AGO2: variants seen among roughly 807,000 people sequenced by gnomAD.
AGO2 encodes protein argonaute-2.
AGO2 carries 5 observed loss-of-function variants against 102.3 expected under a neutral mutation model. That is an observed-to-expected ratio of 0.05 (90% CI 0.03 to 0.10). AGO2 has a LOEUF of 0.10. Among genes scored for constraint, AGO2 ranks in the 10% least tolerant of loss-of-function variants. The pLI is 1.00. For missense variants in AGO2, 541 were observed against 1,183.7 expected, an observed-to-expected ratio of 0.46 and a Z score of 7.97; for synonymous variants, 449 against 473.1, an observed-to-expected ratio of 0.95 and a Z score of 0.66.
At chr8:140,623,360 T>C (rs2074237107) in intron 1 of AGO2, among the ~76,000 whole-genome samples, 1 of 152,122 alleles carries the variant, frequency 6.6e-6, no homozygotes, top group African/African-American at 2.4e-5. Flanking sequence ...TAGACAGCGA[T>C]GATGGCTGCA....
At chr8:140,614,015 CAAAAAAAAAAAAAA>C (rs59000809) in intron 1 of AGO2, among the ~76,000 whole-genome samples, 1 of 57,650 alleles carries the variant, frequency 1.7e-5, no homozygotes, top group Admixed American at 2.6e-4. Flanking sequence ...GACCCTGTCT[CAAAAAAAAAAAAAA>C]AAAAAAAAAA....
chr8:140,592,205 C>T (rs1384724534), intron 1 of AGO2: 1 of 152,218 alleles, frequency 6.6e-6, no homozygotes, highest in Non-Finnish European at 1.5e-5. Context: ...CAGAAACATT[C>T]CCCAATCGGG....
chr8:140,593,550 T>TAAA (rs201599088), intron 1 of AGO2, among the ~76,000 whole-genome samples: 1 of 135,444 alleles, frequency 7.4e-6, no homozygotes. Context: ...CTAGGAAAGT[T>TAAA]AAAAAAAAAA....
chr8:140,586,472 C>A (rs573933238), intron 1 of AGO2, among the ~76,000 whole-genome samples: 43 of 152,152 alleles, frequency 2.8e-4, no homozygotes, highest in Admixed American at 1.2e-3. Context: ...GGTGACAGAG[C>A]GAGACTCCAT....
intron 6 of AGO2, 31 bp from the exon 7 acceptor site, chr8:140,558,603 G>C (rs187007975): frequency 1.2e-6 from 2 of 1,609,012 alleles, no homozygotes. Flanking sequence ...CATCGGCATC[G>C]GGGCTGTCCC....
chr8:140,560,251 C>T (rs2132940614), intron 5 of AGO2, 123 bp downstream of exon 5: 6 of 1,401,980 alleles, frequency 4.3e-6, no homozygotes, highest in Middle Eastern at 2.0e-4. Flanking sequence ...TGTCACGCAG[C>T]GGCGCTGGCT....
At chr8:140,563,931 C>T (rs779860316) in intron 3 of AGO2, among the ~76,000 whole-genome samples, 4 of 152,246 alleles carry the variant, frequency 2.6e-5, no homozygotes, top group Non-Finnish European at 5.9e-5. Flanking sequence ...GGAGCTACGA[C>T]CAGACTCTGC....
chr8:140,634,647 GA>G (rs895523717), intron 1 of AGO2, among the ~76,000 whole-genome samples: 8 of 152,342 alleles, frequency 5.3e-5, no homozygotes, highest in African/African-American at 1.7e-4. Context: ...CTTTTCCAGA[GA>G]AAGGCCGACT....
At chr8:140,550,795 C>T (rs1278089308) in intron 11 of AGO2, among the ~76,000 whole-genome samples, 3 of 151,908 alleles carry the variant, frequency 2.0e-5, no homozygotes, top group African/African-American at 7.3e-5. Context: ...TTCTATTTTT[C>T]GTAGAGATGG....
At chr8:140,582,991 G>A (rs1239300424) in intron 2 of AGO2, among the ~76,000 whole-genome samples, 1 of 152,208 alleles carries the variant, frequency 6.6e-6, no homozygotes, top group Non-Finnish European at 1.5e-5. Flanking sequence ...GCTTCCAGAG[G>A]AGACTGCGTG....
intron 1 of AGO2, among the ~76,000 whole-genome samples, chr8:140,619,470 GAA>G (rs2074186029): frequency 6.6e-6 from 1 of 152,236 alleles, no homozygotes; most frequent in Non-Finnish European, 1.5e-5. Context: ...GGATCAGAGA[GAA>G]GGGAGCAGGG....
upstream of AGO2, chr8:140,635,758 G>A (rs1302463730): frequency 4.2e-5 from 6 of 144,330 alleles, no homozygotes; most frequent in East Asian, 1.0e-3. Context: ...GCGCTCGCGG[G>A]GGGAGCGGGG....
chr8:140,618,835 A>G (rs1255986784), intron 1 of AGO2, among the ~76,000 whole-genome samples: 3 of 151,898 alleles, frequency 2.0e-5, no homozygotes, highest in Non-Finnish European at 2.9e-5. Context: ...AGAAAAGAAA[A>G]GAAAACATAT....
At chr8:140,617,337 C>T (rs2074153977) in intron 1 of AGO2, among the ~76,000 whole-genome samples, 1 of 151,962 alleles carries the variant, frequency 6.6e-6, no homozygotes, top group Non-Finnish European at 1.5e-5. Flanking sequence ...CTTCAACCTC[C>T]ACCTCCAGGG....
intron 10 of AGO2, 109 bp from the exon 11 acceptor site, chr8:140,551,545 A>G (rs909301317): frequency 3.1e-6 from 4 of 1,276,814 alleles, no homozygotes; most frequent in South Asian, 4.2e-5. Context: ...ACTGCTTCTC[A>G]GGGAAAGAAC....
In AGO2 at chr8:140,523,954, G is replaced by A. The variant is rs1177026216; in HGVS notation, c.*8090C>T. 2 of 152,202 alleles carry A rather than the reference G, an allele frequency of 1.3e-5. No homozygotes were observed. Among genetic ancestry groups the A allele is most frequent in the Non-Finnish European group, 2.9e-5 (2 of 68,032 alleles). The allele number at this position is 152,202 out of a possible 1,614,324, so 9.4% of individuals were successfully genotyped here. A position where few individuals can be genotyped will look rare whatever the true frequency, so the allele number is the denominator to read the frequency against. ...CTTAAAACCAATAAAATCACCCCTT[G>A]ACAGGGACAGGTGGTTTCTCAGGCC... On this transcript the variant is annotated 3_prime_UTR_variant, in exon 19 of 19. Transcript: ENST00000220592.
rs555544644 is a variant in AGO2 at position 140,589,066 on chromosome 8, G to A, written c.23-3755C>T. 1.3e-5 allele frequency among the ~76,000 whole-genome samples: 2 copies of A among 152,326 alleles called. No homozygotes were observed. Among genetic ancestry groups the A allele is most frequent in the African/African-American group, 4.8e-5 (2 of 41,578 alleles). ...ACGTCAGCAGAGGTGGGCGGCAGGC[G>A]AGCCTCCTGCAGGAGCAGGCGGTCC... On this transcript the variant is annotated intron_variant, in intron 1 of 18. Transcript: ENST00000220592. The surrounding 1 kb of genome is among the most constrained non-coding windows in gnomAD (Gnocchi z 4.2).
chr8:140,586,203 TAA>T (rs1417841394), intron 1 of AGO2, among the ~76,000 whole-genome samples: 28 of 152,136 alleles, frequency 1.8e-4, no homozygotes, highest in African/African-American at 6.8e-4. Flanking sequence ...GCTACAAAAA[TAA>T]AGTCAGGCTG....
chr8:140,543,145 A>G (rs1332255003), intron 14 of AGO2, among the ~76,000 whole-genome samples: 1 of 150,898 alleles, frequency 6.6e-6, no homozygotes, highest in Non-Finnish European at 1.5e-5. Context: ...AAAACAAAAC[A>G]AAACAAAACA....
Sources: gnomAD v4.1 joint callset for allele counts (sites outside exome capture counted in the v4.1 genomes callset) on GRCh38, gnomAD v4.1.1 for gene constraint, Gnocchi (gnomAD v3.1) non-coding constraint, MANE v1.5 for transcripts, NCBI Gene and HGNC (gene_info 2026-07-23, HGNC 2026-07-21) for gene names.